Variants in CDC27 observed in about 807,000 individuals in gnomAD.
CDC27 encodes cell division cycle protein 27 homolog.
Under a neutral mutation model 109.7 loss-of-function variants are expected in CDC27, and 27 were observed. The ratio of observed to expected loss-of-function variants is 0.25; its 90% CI spans 0.18 to 0.34. The LOEUF is 0.34. CDC27 is among the 10% of genes least tolerant of loss of function. CDC27 has a pLI of 1.00. For missense variants in CDC27, 579 were observed against 960.2 expected (o/e 0.60, Z 5.25); for synonymous variants, 266 against 333.9 (o/e 0.80, Z 2.22).
intron 7 of CDC27, 157 bp downstream of exon 7, chr17:47,156,756 A>G: frequency 2.3e-6 from 1 of 436,990 alleles, no homozygotes; most frequent in East Asian, 3.5e-5. Flanking sequence ...CAACATCACT[A>G]TTTGCCAGTT....
intron 13 of CDC27, 106 bp from the exon 14 acceptor site, chr17:47,137,466 T>C: frequency 3.5e-6 from 2 of 565,626 alleles, no homozygotes; most frequent in South Asian, 2.8e-5. Context: ...AAGACAAAAA[T>C]GGAGGAGCTT....
At position 47,135,920 on chromosome 17, in the gene CDC27, C is replaced by A. The variant is rs190819495; in HGVS notation, c.1913+1232G>T. ...CACTGGGAGGCCAAAGTGGGTGGAT[C>A]ATGAGGTCAGGAGATTGAGACCATC... On this transcript the variant is annotated intron_variant, in intron 14 of 18. Coordinates refer to ENST00000066544, the MANE Select transcript of CDC27 (RefSeq NM_001256.6). 2.6e-5 allele frequency among the ~76,000 whole-genome samples: 4 copies of A among 152,220 alleles called. No homozygotes were observed. The East Asian group carries it at 7.7e-4, about 29-fold the overall frequency.
At chr17:47,143,168 T>C (rs1183066008) in intron 10 of CDC27, among the ~76,000 whole-genome samples, 2 of 151,890 alleles carry the variant, frequency 1.3e-5, no homozygotes, top group Non-Finnish European at 2.9e-5. Context: ...CTTGCTATGT[T>C]GACCAGGCTG....
Position 47,157,054 on chromosome 17 carries a change from T to C in CDC27, c.701A>G (p.Tyr234Cys). 6.4e-7 allele frequency: 1 copy of C among 1,568,152 alleles called. No individual in the cohort carries two copies. The part of the protein sequence containing the change: ...YSLNTDSSVS[Y>C]IDSAVISPDT... ...AGGTGAAATTACAGCTGAATCAATA[T>C]AAGACACTGAGGAATCTGTATTCAA... Residue 234 changes from tyrosine to cysteine, a missense_variant, in exon 7 of 19, where the codon TAT (tyrosine) becomes TGT (cysteine). Tyr to Cys is a radical substitution (Grantham distance 194). Transcript: ENST00000066544.
chr17:47,160,162 T>C (rs1234104211), intron 4 of CDC27, among the ~76,000 whole-genome samples: 1 of 151,488 alleles, frequency 6.6e-6, no homozygotes, highest in Non-Finnish European at 1.5e-5. Flanking sequence ...CTGGACAATA[T>C]CCCTGGGAAC....
intron 4 of CDC27, chr17:47,159,144 G>GTT: frequency 2.9e-6 from 1 of 340,192 alleles, no homozygotes. Context: ...ATTTGTTGTT[G>GTT]TTTTTTTTCC....
intron 1 of CDC27, among the ~76,000 whole-genome samples, chr17:47,188,563 C>T (rs1434310347): frequency 1.3e-5 from 2 of 152,048 alleles, no homozygotes; most frequent in Admixed American, 6.6e-5. Context: ...TGCGCCTCAG[C>T]ACTGAGGCTT....
At position 47,157,236 on chromosome 17, in the gene CDC27, G is replaced by A. The variant is rs781312678; in HGVS notation, c.624C>T (p.Asp208=). ...TAGAATATAAGACACTTACAATTGTGTCCTGGGGTGTTTCCGTAAGAACTG... is the reference window on the plus strand; with the variant it reads ...TAGAATATAAGACACTTACAATTGTATCCTGGGGTGTTTCCGTAAGAACTG... ...PETVLTETPQ[D]TIELNRLNLE... is the part of the protein sequence containing the mutation. Residue 208 remains aspartate, a synonymous_variant, in exon 6 of 19, where the codon GAC becomes GAT. Transcript: ENST00000066544. The A allele has an allele frequency of 6.2e-7, 1 of 1,610,070 alleles. No individual in the cohort carries two copies. Among genetic ancestry groups the A allele is most frequent in the Non-Finnish European group, 8.5e-7 (1 of 1,178,330 alleles).
chr17:47,123,901 G>A lies in CDC27; in HGVS notation c.2220C>T (p.Tyr740=), dbSNP rs756193769. Residue 740 remains tyrosine, a synonymous_variant, in exon 17 of 19, where the codon TAC becomes TAT. Coordinates refer to ENST00000066544, the MANE Select transcript of CDC27 (RefSeq NM_001256.6). ...CAGTCTTTACCTTTCCTATTAAGAAGTAAACGAGGGATTCTTTGGGAACAA... is the reference window on the plus strand; with the variant it reads ...CAGTCTTTACCTTTCCTATTAAGAAATAAACGAGGGATTCTTTGGGAACAA... The part of the protein sequence containing the change: ...KQIVPKESLV[Y]FLIGKVYKKL... The A allele has an allele frequency of 3.7e-6, 6 of 1,601,816 alleles. No individual in the cohort carries two copies. Among genetic ancestry groups the A allele is most frequent in the Non-Finnish European group, 3.4e-6 (4 of 1,176,242 alleles).
At chr17:47,188,797 T>C (rs11570451) in intron 1 of CDC27, 85,875 of 1,179,594 alleles carry the variant, frequency 0.073, 3,405 homozygotes, top group African/African-American at 0.12. Context: ...GATCATCTTT[T>C]AGGCAAGAGA....
intron 4 of CDC27, among the ~76,000 whole-genome samples, chr17:47,168,108 T>C (rs943825088): frequency 2.6e-5 from 4 of 152,276 alleles, no homozygotes; most frequent in Admixed American, 2.6e-4. Flanking sequence ...CTGAACCCTG[T>C]CCTTTTGAGT....
chr17:47,129,337 G>C lies in CDC27; in HGVS notation c.2160+56C>G, dbSNP rs751625885. On this transcript the variant is annotated intron_variant, in intron 16 of 18. Transcript: ENST00000066544. ...AACTTTCAGTTTATTGAAAACAAGGGATAACGTTGTTTTTAAGCAATACAA... is the reference window on the plus strand; with the variant it reads ...AACTTTCAGTTTATTGAAAACAAGGCATAACGTTGTTTTTAAGCAATACAA... The C allele has an allele frequency of 6.5e-6, 8 of 1,239,266 alleles. No homozygotes were observed. In the South Asian group the frequency reaches 1.0e-4, roughly 16 times the overall value. The allele number at this position is 1,239,266 out of a possible 1,614,324, so 76.8% of individuals were successfully genotyped here. A position where few individuals can be genotyped will look rare whatever the true frequency, so the allele number is the denominator to read the frequency against.
At chr17:47,156,360 G>A (rs538358528) in intron 7 of CDC27, among the ~76,000 whole-genome samples, 4 of 152,112 alleles carry the variant, frequency 2.6e-5, no homozygotes, top group African/African-American at 9.6e-5. Context: ...GGATGGTCTC[G>A]ATCTCCTGAC....
At chr17:47,185,404 C>T (rs1228513981) in intron 1 of CDC27, among the ~76,000 whole-genome samples, 1 of 152,046 alleles carries the variant, frequency 6.6e-6, no homozygotes, top group East Asian at 1.9e-4. Context: ...AGGATGGTCT[C>T]GATCTCCTGA....
intron 9 of CDC27, among the ~76,000 whole-genome samples, chr17:47,149,927 C>T (rs1213133883): frequency 2.6e-5 from 4 of 152,048 alleles, no homozygotes; most frequent in African/African-American, 9.7e-5. Context: ...TGCACTACAG[C>T]CTGGGTAACA....
chr17:47,132,231 G>A, intron 15 of CDC27, 26 bp downstream of exon 15: 4 of 988,468 alleles, frequency 4.0e-6, no homozygotes, highest in Non-Finnish European at 4.7e-6. Flanking sequence ...GATTAATAGA[G>A]TATTAATGTT....
At chr17:47,163,526 C>T (rs956919383) in intron 4 of CDC27, among the ~76,000 whole-genome samples, 1 of 152,064 alleles carries the variant, frequency 6.6e-6, no homozygotes, top group South Asian at 2.1e-4. Flanking sequence ...CATAGGGAGA[C>T]CCCATATCTA....
chr17:47,146,042 T>C (rs543762585), intron 9 of CDC27, among the ~76,000 whole-genome samples: 2 of 152,276 alleles, frequency 1.3e-5, no homozygotes, highest in African/African-American at 4.8e-5. Flanking sequence ...AAAACCCTAA[T>C]AAAAATTTTG....
At chr17:47,163,726 C>T (rs1440688142) in intron 4 of CDC27, among the ~76,000 whole-genome samples, 2 of 152,208 alleles carry the variant, frequency 1.3e-5, no homozygotes, top group Non-Finnish European at 2.9e-5. Flanking sequence ...TCTGTTACAA[C>T]AGATCACATG....
Sources: allele counts gnomAD v4.1 joint callset (sites outside exome capture counted in the v4.1 genomes callset), GRCh38; gene constraint gnomAD v4.1.1; transcripts MANE v1.5; gene names NCBI Gene and HGNC (gene_info 2026-07-23, HGNC 2026-07-21).